Variants in DGKB observed in about 807,000 individuals in gnomAD.
DGKB encodes the protein diacylglycerol kinase beta.
In DGKB, 67 loss-of-function variants were observed where a neutral mutation model predicts 114.3. The observed-to-expected ratio is 0.59, with a 90% CI of 0.48 to 0.72. The LOEUF is 0.72. Ranked by LOEUF, DGKB falls within the 30% of genes least tolerant of loss-of-function variation. The pLI is 0.00. For missense variants in DGKB, 907 were observed against 975.2 expected (o/e 0.93, Z 0.93); for synonymous variants, 398 against 323.1 (o/e 1.23, Z -2.49).
intron 20 of DGKB, among the ~76,000 whole-genome samples, chr7:14,567,486 A>T (rs1294383613): frequency 1.4e-5 from 1 of 73,924 alleles, no homozygotes; most frequent in Non-Finnish European, 2.5e-5. Context: ...ATATATATTT[A>T]TATATTATAT....
chr7:14,873,968 A>C (rs917325072), intron 1 of DGKB, among the ~76,000 whole-genome samples: 2 of 152,108 alleles, frequency 1.3e-5, no homozygotes, highest in African/African-American at 4.8e-5. Context: ...AGAATGCTGT[A>C]TTACTAACAA....
At chr7:14,267,479 CT>C (rs59950485) in intron 23 of DGKB, among the ~76,000 whole-genome samples, 24,262 of 143,442 alleles carry the variant, frequency 0.17, 2,596 homozygotes, top group East Asian at 0.51. Context: ...TTTTTTTTTT[CT>C]TTTTTTTTTT....
intron 2 of DGKB, among the ~76,000 whole-genome samples, chr7:14,786,032 A>G (rs914916134): frequency 4.6e-5 from 7 of 152,054 alleles, no homozygotes; most frequent in African/African-American, 9.7e-5. Context: ...AAAGTCATCC[A>G]TCTTTCCTTT....
intron 1 of DGKB, among the ~76,000 whole-genome samples, chr7:14,967,704 T>C (rs544622994): frequency 6.6e-6 from 1 of 151,250 alleles, no homozygotes; most frequent in East Asian, 1.9e-4. Flanking sequence ...CAAAACTTTA[T>C]TTTTTTTGGC....
chr7:14,842,697 G>A (rs2128140803), intron 1 of DGKB, among the ~76,000 whole-genome samples: 1 of 152,290 alleles, frequency 6.6e-6, no homozygotes, highest in East Asian at 1.9e-4. Flanking sequence ...GAAATGATGT[G>A]TTCTGTCCTC....
intron 4 of DGKB, among the ~76,000 whole-genome samples, chr7:14,738,298 G>A (rs746078100): frequency 3.1e-4 from 47 of 152,216 alleles, no homozygotes; most frequent in Non-Finnish European, 3.2e-4. Flanking sequence ...AAGCATTGTG[G>A]TTAGAAGCAA....
In DGKB at chr7:14,149,585, G is replaced by T. The variant is rs925632935; in HGVS notation, c.2305-347C>A. ...GTATTATTTCTTGACCATTAGTTAC[G>T]TATCATTTATTGAAGTCAGGAAAGA... On this transcript the variant is annotated intron_variant, in intron 25 of 25. Transcript: ENST00000402815. Among the ~76,000 whole-genome samples, 7 of 152,122 alleles carry T rather than the reference G, an allele frequency of 4.6e-5. No homozygotes were observed. The South Asian group carries it at 1.4e-3, about 32-fold the overall frequency.
intron 1 of DGKB, among the ~76,000 whole-genome samples, chr7:14,931,880 G>T (rs1467012764): frequency 2.0e-5 from 3 of 152,118 alleles, no homozygotes; most frequent in Non-Finnish European, 4.4e-5. Flanking sequence ...TTCATTGCCA[G>T]TTTCTGGAGC....
intron 23 of DGKB, among the ~76,000 whole-genome samples, chr7:14,197,984 T>C (rs1239386873): frequency 6.6e-6 from 1 of 152,018 alleles, no homozygotes; most frequent in East Asian, 1.9e-4. Flanking sequence ...GGGACTCATT[T>C]TGGACTTAAA....
chr7:14,956,101 A>G (rs955337293), intron 1 of DGKB, among the ~76,000 whole-genome samples: 2 of 152,038 alleles, frequency 1.3e-5, no homozygotes, highest in African/African-American at 4.8e-5. Context: ...AATTCAAAAT[A>G]TGCTAAGACT....
intron 5 of DGKB, among the ~76,000 whole-genome samples, chr7:14,723,606 T>C (rs780821936): frequency 6.6e-6 from 1 of 151,766 alleles, no homozygotes; most frequent in African/African-American, 2.4e-5. Context: ...CACACACATA[T>C]ATATGTGTAT....
chr7:14,799,799 G>A (rs1841905305), intron 2 of DGKB, among the ~76,000 whole-genome samples: 2 of 152,162 alleles, frequency 1.3e-5, no homozygotes, highest in South Asian at 2.1e-4. Flanking sequence ...ATGACAATTG[G>A]GCCATATGAA....
At chr7:14,439,358 T>C (rs890885299) in intron 21 of DGKB, among the ~76,000 whole-genome samples, 1 of 152,074 alleles carries the variant, frequency 6.6e-6, no homozygotes, top group African/African-American at 2.4e-5. Flanking sequence ...AAGTCTTTGC[T>C]TGAATAACGA....
chr7:14,839,372 C>T (rs907173885), intron 2 of DGKB, among the ~76,000 whole-genome samples: 3 of 151,546 alleles, frequency 2.0e-5, no homozygotes, highest in Non-Finnish European at 4.4e-5. Flanking sequence ...AAGAAGTAGG[C>T]CATTCTGAAC....
chr7:14,856,469 G>A (rs1199227478), intron 1 of DGKB, among the ~76,000 whole-genome samples: 1 of 151,798 alleles, frequency 6.6e-6, no homozygotes, highest in Non-Finnish European at 1.5e-5. Flanking sequence ...TTCTTTTACT[G>A]AATGTGAAAT....
chr7:14,826,152 T>C (rs1249905741), intron 2 of DGKB, among the ~76,000 whole-genome samples: 1 of 152,154 alleles, frequency 6.6e-6, no homozygotes, highest in Non-Finnish European at 1.5e-5. Flanking sequence ...ACAACTTGGC[T>C]GACCTCATCA....
At chr7:14,726,509 T>C (rs2128373443) in intron 5 of DGKB, among the ~76,000 whole-genome samples, 1 of 152,320 alleles carries the variant, frequency 6.6e-6, no homozygotes, top group African/African-American at 2.4e-5. Context: ...AACTGTCTTC[T>C]GCCTCTCAAT....
At chr7:14,911,857 G>C (rs564638753) in intron 1 of DGKB, among the ~76,000 whole-genome samples, 1 of 152,298 alleles carries the variant, frequency 6.6e-6, no homozygotes, top group East Asian at 1.9e-4. Context: ...CTGTTATAGA[G>C]TTTCTAACTT....
chr7:14,817,965 A>G (rs969987308), intron 2 of DGKB, among the ~76,000 whole-genome samples: 4 of 152,030 alleles, frequency 2.6e-5, no homozygotes, highest in Non-Finnish European at 1.5e-5. Flanking sequence ...CGTTTCATGT[A>G]TCTGCCAAGC....
Sources: gnomAD v4.1 joint callset for allele counts (sites outside exome capture counted in the v4.1 genomes callset) on GRCh38, gnomAD v4.1.1 for gene constraint, MANE v1.5 for transcripts, NCBI Gene and HGNC (gene_info 2026-07-23, HGNC 2026-07-21) for gene names.